ASTN2: variants seen among roughly 807,000 people sequenced by gnomAD.
ASTN2 encodes the protein astrotactin-2.
Under a neutral mutation model 139.8 loss-of-function variants are expected in ASTN2, and 54 were observed. The observed-to-expected ratio is 0.39, with a 90% confidence interval of 0.31 to 0.48. The LOEUF is 0.48. ASTN2 is among the 20% of genes least tolerant of loss of function. The probability of loss-of-function intolerance (pLI) is 0.95; values close to 1 mark genes in which losing one functional copy is unlikely to be tolerated. For missense variants in ASTN2, 1,565 were observed against 1,725.1 expected, an observed-to-expected ratio of 0.91 and a Z score of 1.64; for synonymous variants, 756 against 719.5, an observed-to-expected ratio of 1.05 and a Z score of -0.81.
rs1588056509 is a variant in ASTN2, at chr9:116,437,188, A to C, written c.3782+3421T>G. The C allele has an allele frequency of 1.1e-5, 4 of 376,816 alleles. No individual in the cohort carries two copies. The East Asian group carries it at 3.0e-4, about 28-fold the overall frequency. The allele number at this position is 376,816 out of a possible 1,614,324, so 23.3% of individuals were successfully genotyped here. A position where few individuals can be genotyped will look rare whatever the true frequency, so the allele number is the denominator to read the frequency against. ...ATTGTGCACATGTACCCTAAAACTT[A>C]AAGTATAATAATAATAATAAAAAAT... On this transcript the variant is annotated intron_variant, in intron 22 of 22. Coordinates refer to ENST00000313400, the MANE Select transcript of ASTN2 (RefSeq NM_001365068.1).
chr9:117,332,967 G>A (rs1427309925), intron 1 of ASTN2, among the ~76,000 whole-genome samples: 1 of 152,210 alleles, frequency 6.6e-6, no homozygotes, highest in African/African-American at 2.4e-5. Context: ...TGGTTGCTTA[G>A]GGGAGTGGGT....
At chr9:117,408,268 GAA>G (rs1278798724) in intron 1 of ASTN2, among the ~76,000 whole-genome samples, 1 of 152,084 alleles carries the variant, frequency 6.6e-6, no homozygotes, top group African/African-American at 2.4e-5. Context: ...CAATGTGATA[GAA>G]AGAGGCAGTG....
At chr9:116,589,483 G>A (rs967852491) in intron 19 of ASTN2, among the ~76,000 whole-genome samples, 1 of 152,204 alleles carries the variant, frequency 6.6e-6, no homozygotes, top group Non-Finnish European at 1.5e-5. Flanking sequence ...GAGTTGTGGA[G>A]AGAGAAGGGA....
intron 1 of ASTN2, among the ~76,000 whole-genome samples, chr9:117,376,731 C>T (rs999534429): frequency 9.2e-5 from 14 of 152,104 alleles, no homozygotes; most frequent in African/African-American, 2.7e-4. Flanking sequence ...ACTGGAAAAT[C>T]GGGGCTATGA....
At chr9:116,429,893 G>A (rs1847441497) in intron 22 of ASTN2, among the ~76,000 whole-genome samples, 1 of 152,274 alleles carries the variant, frequency 6.6e-6, no homozygotes, top group Admixed American at 6.5e-5. Context: ...CGCCACACCT[G>A]AGCTAGTTCT....
At chr9:117,363,071 G>A (rs1241541291) in intron 1 of ASTN2, among the ~76,000 whole-genome samples, 1 of 152,072 alleles carries the variant, frequency 6.6e-6, no homozygotes, top group Non-Finnish European at 1.5e-5. Flanking sequence ...ATGCCAGCCT[G>A]CAATGCCTCA....
chr9:117,014,381 C>T (rs1335376633), intron 6 of ASTN2, among the ~76,000 whole-genome samples: 14 of 152,026 alleles, frequency 9.2e-5, no homozygotes, highest in Admixed American at 9.2e-4. Flanking sequence ...GTAAAGGCAA[C>T]CTGGATACCT....
At chr9:116,865,708 C>T (rs7862589) in intron 10 of ASTN2, among the ~76,000 whole-genome samples, 57,595 of 151,946 alleles carry the variant, frequency 0.38, 11,630 homozygotes, top group Non-Finnish European at 0.46. Flanking sequence ...CTGACAGCCA[C>T]AGCTGGTGGG....
intron 10 of ASTN2, among the ~76,000 whole-genome samples, chr9:116,954,193 C>A (rs543191711): frequency 6.6e-6 from 1 of 152,112 alleles, no homozygotes; most frequent in Non-Finnish European, 1.5e-5. Context: ...ATATATCCAA[C>A]AACTGAGACT....
At position 116,519,113 on chromosome 9, in the gene ASTN2, CA is replaced by C. The variant is rs1229637518; in HGVS notation, c.3356-31614del. Among the ~76,000 whole-genome samples, 4 of 152,000 alleles carry C rather than the reference CA, an allele frequency of 2.6e-5. No individual in the cohort carries two copies. In the East Asian group the frequency reaches 7.7e-4, roughly 29 times the overall value. On this transcript the variant is annotated intron_variant, in intron 19 of 22. Coordinates refer to ENST00000313400, the MANE Select transcript of ASTN2 (RefSeq NM_001365068.1). Reference sequence around the variant, plus strand: ...ACAGGTCAACAAGACAGAAAATCAACAAAGAAACAATGGACTTAAAAACTAT... The same window carrying C: ...ACAGGTCAACAAGACAGAAAATCAACAAGAAACAATGGACTTAAAAACTAT...
intron 13 of ASTN2, among the ~76,000 whole-genome samples, chr9:116,751,755 A>T (rs1322772864): frequency 1.3e-5 from 2 of 152,142 alleles, no homozygotes; most frequent in Admixed American, 6.5e-5. Context: ...ACAAAACATC[A>T]TTTACATTAG....
At chr9:117,249,054 CA>C (rs1833465314) in intron 2 of ASTN2, among the ~76,000 whole-genome samples, 1 of 152,186 alleles carries the variant, frequency 6.6e-6, no homozygotes, top group South Asian at 2.1e-4. Flanking sequence ...ATAAATTTTT[CA>C]GTGAGTATTT....
chr9:117,182,292 A>C (rs888712837), intron 3 of ASTN2, among the ~76,000 whole-genome samples: 1 of 150,854 alleles, frequency 6.6e-6, no homozygotes, highest in Admixed American at 6.6e-5. Context: ...GAGTGAACTC[A>C]GCATGCTTCA....
At chr9:116,794,779 G>A (rs1830648559) in intron 13 of ASTN2, among the ~76,000 whole-genome samples, 2 of 152,128 alleles carry the variant, frequency 1.3e-5, no homozygotes, top group Non-Finnish European at 2.9e-5. Context: ...ATGCTTTAAG[G>A]GTATTGGGAA....
At chr9:116,949,695 C>T (rs1835502911) in intron 10 of ASTN2, among the ~76,000 whole-genome samples, 1 of 152,130 alleles carries the variant, frequency 6.6e-6, no homozygotes, top group African/African-American at 2.4e-5. Context: ...AATAATGAAG[C>T]CTACATTTGT....
chr9:117,187,910 C>G (rs946754162), intron 3 of ASTN2, among the ~76,000 whole-genome samples: 12 of 152,122 alleles, frequency 7.9e-5, no homozygotes, highest in African/African-American at 2.9e-4. Flanking sequence ...ATTGTTTGTT[C>G]CTCCCACGTT....
chr9:116,929,652 T>C (rs184092611), intron 10 of ASTN2, among the ~76,000 whole-genome samples: 1 of 152,292 alleles, frequency 6.6e-6, no homozygotes, highest in Non-Finnish European at 1.5e-5. Context: ...AAACAACCCT[T>C]TGCTGACTAA....
chr9:116,447,313 A>C (rs1441449919), intron 20 of ASTN2, among the ~76,000 whole-genome samples: 1 of 152,166 alleles, frequency 6.6e-6, no homozygotes, highest in Non-Finnish European at 1.5e-5. Flanking sequence ...CATATGGTGC[A>C]CATGTCACAC....
At chr9:117,373,446 T>A (rs1325131556) in intron 1 of ASTN2, among the ~76,000 whole-genome samples, 7 of 152,200 alleles carry the variant, frequency 4.6e-5, no homozygotes, top group Non-Finnish European at 1.0e-4. Flanking sequence ...ATTTAACAGA[T>A]ACCAGTAAAC....
Sources: allele counts gnomAD v4.1 joint callset (sites outside exome capture counted in the v4.1 genomes callset), GRCh38; gene constraint gnomAD v4.1.1; transcripts MANE v1.5; gene names NCBI Gene and HGNC (gene_info 2026-07-23, HGNC 2026-07-21).